The following FAM168A variants were observed in gnomAD, a reference collection of about 807,000 sequenced individuals.
The protein encoded by FAM168A is protein FAM168A.
Under a neutral mutation model 28.5 loss-of-function variants are expected in FAM168A, and 3 were observed. The observed-to-expected ratio is 0.11, with a 90% CI of 0.05 to 0.27. The LOEUF is 0.27. Ranked by LOEUF, FAM168A falls within the 10% of genes least tolerant of loss-of-function variation. The probability of loss-of-function intolerance (pLI) is 1.00; values close to 1 mark genes in which losing one functional copy is unlikely to be tolerated. For missense variants in FAM168A, 222 were observed against 311.5 expected, an observed-to-expected ratio of 0.71 and a Z score of 2.16; for synonymous variants, 122 against 124.2, an observed-to-expected ratio of 0.98 and a Z score of 0.12.
intron 1 of FAM168A, among the ~76,000 whole-genome samples, chr11:73,590,655 T>A (rs561771190): frequency 3.9e-5 from 6 of 152,360 alleles, no homozygotes; most frequent in African/African-American, 1.4e-4. Flanking sequence ...TTTTTCTACA[T>A]GTTATACATA....
At chr11:73,425,023 A>G in intron 3 of FAM168A, 2 of 1,528,672 alleles carry the variant, frequency 1.3e-6, no homozygotes, top group Non-Finnish European at 1.7e-6. Flanking sequence ...CTTTCCTACC[A>G]TAAGCTGAAT....
At chr11:73,525,839 C>T (rs1033836153) in intron 1 of FAM168A, among the ~76,000 whole-genome samples, 4 of 152,180 alleles carry the variant, frequency 2.6e-5, no homozygotes, top group Admixed American at 6.5e-5. Context: ...AGTTCTGTTC[C>T]ATTTCAATGT....
At chr11:73,585,328 C>T (rs1022747192) in intron 1 of FAM168A, among the ~76,000 whole-genome samples, 2 of 152,190 alleles carry the variant, frequency 1.3e-5, no homozygotes, top group Admixed American at 1.3e-4. Context: ...TCAATCCTCA[C>T]AACTACATAG....
At chr11:73,517,709 G>A (rs1191811938) in intron 1 of FAM168A, among the ~76,000 whole-genome samples, 3 of 152,040 alleles carry the variant, frequency 2.0e-5, no homozygotes, top group Admixed American at 6.5e-5. Flanking sequence ...TATACTATAC[G>A]ACCTTGGCTC....
intron 2 of FAM168A, among the ~76,000 whole-genome samples, chr11:73,433,076 C>CT (rs34994742): frequency 0.049 from 3,971 of 80,612 alleles, 687 homozygotes; most frequent in Non-Finnish European, 0.059. Context: ...CACGCCCCGC[C>CT]TTTTTTTTTT....
At chr11:73,408,957 T>G (rs974985180) in intron 6 of FAM168A, among the ~76,000 whole-genome samples, 1 of 151,986 alleles carries the variant, frequency 6.6e-6, no homozygotes, top group Non-Finnish European at 1.5e-5. Context: ...CTCTCTCCCC[T>G]AAAGTACACT....
At chr11:73,578,969 G>T (rs1944210422) in intron 1 of FAM168A, among the ~76,000 whole-genome samples, 2 of 152,200 alleles carry the variant, frequency 1.3e-5, no homozygotes, top group Admixed American at 1.3e-4. Context: ...AGGTCTGGAG[G>T]CTGGGAAGTC....
intron 1 of FAM168A, among the ~76,000 whole-genome samples, chr11:73,553,015 T>C (rs529352364): frequency 5.9e-5 from 9 of 152,284 alleles, no homozygotes; most frequent in Non-Finnish European, 1.2e-4. Flanking sequence ...ATTTAATTTA[T>C]CATACAATTT....
intron 2 of FAM168A, 74 bp downstream of exon 2, chr11:73,468,331 G>A: frequency 7.1e-7 from 1 of 1,408,534 alleles, no homozygotes; most frequent in Admixed American, 1.7e-5. Flanking sequence ...TATACGTTAG[G>A]AGGAGGAGCA....
At chr11:73,448,709 C>G (rs565660366) in intron 2 of FAM168A, among the ~76,000 whole-genome samples, 3 of 152,274 alleles carry the variant, frequency 2.0e-5, no homozygotes, top group Admixed American at 1.3e-4. Flanking sequence ...ACAGACATTA[C>G]TCGTGTTCCT....
At chr11:73,452,537 G>A (rs1433980122) in intron 2 of FAM168A, among the ~76,000 whole-genome samples, 1 of 152,186 alleles carries the variant, frequency 6.6e-6, no homozygotes, top group Non-Finnish European at 1.5e-5. Flanking sequence ...AGAGTCTGGG[G>A]TGAGGGGGTG....
intron 1 of FAM168A, among the ~76,000 whole-genome samples, chr11:73,468,820 C>A (rs953406512): frequency 2.0e-5 from 3 of 152,206 alleles, no homozygotes; most frequent in African/African-American, 7.2e-5. Flanking sequence ...ATGTCACTTC[C>A]CCTGTCTGGA....
At chr11:73,514,828 G>GCCATCCATCCAT (rs140788338) in intron 1 of FAM168A, among the ~76,000 whole-genome samples, 39 of 146,546 alleles carry the variant, frequency 2.7e-4, no homozygotes, top group East Asian at 1.0e-3. Context: ...GTGAGACTCT[G>GCCATCCATCCAT]CCATCCATCC....
chr11:73,596,920 G>C (rs1944444771), intron 1 of FAM168A, among the ~76,000 whole-genome samples: 1 of 152,016 alleles, frequency 6.6e-6, no homozygotes, highest in African/African-American at 2.4e-5. Context: ...CCTTGGCCAA[G>C]GGATATTTTC....
intron 3 of FAM168A, among the ~76,000 whole-genome samples, chr11:73,427,973 AC>A (rs1324052755): frequency 2.0e-5 from 3 of 152,052 alleles, no homozygotes; most frequent in Non-Finnish European, 4.4e-5. Flanking sequence ...CTGGTTAAGA[AC>A]CCTCCTTGAT....
chr11:73,552,564 T>G (rs1224207023), intron 1 of FAM168A, among the ~76,000 whole-genome samples: 1 of 152,252 alleles, frequency 6.6e-6, no homozygotes, highest in East Asian at 1.9e-4. Context: ...CATAGTGAAC[T>G]ACAGTTTCTT....
intron 1 of FAM168A, among the ~76,000 whole-genome samples, chr11:73,543,826 G>A (rs189350465): frequency 6.6e-6 from 1 of 152,220 alleles, no homozygotes; most frequent in East Asian, 1.9e-4. Context: ...ATATCACCAA[G>A]CTAGGTAGTA....
chr11:73,452,881 C>T (rs754797953), intron 2 of FAM168A, among the ~76,000 whole-genome samples: 2 of 151,056 alleles, frequency 1.3e-5, no homozygotes, highest in African/African-American at 4.9e-5. Context: ...GGTTACTCAA[C>T]ACTATGCTGC....
intron 2 of FAM168A, among the ~76,000 whole-genome samples, chr11:73,444,105 A>G (rs944235491): frequency 3.3e-5 from 5 of 152,214 alleles, no homozygotes; most frequent in East Asian, 3.8e-4. Flanking sequence ...ACCAGACATA[A>G]TATCATAGAA....
Sources: gnomAD v4.1 joint callset for allele counts (sites outside exome capture counted in the v4.1 genomes callset) on GRCh38, gnomAD v4.1.1 for gene constraint, MANE v1.5 for transcripts, NCBI Gene and HGNC (gene_info 2026-07-23, HGNC 2026-07-21) for gene names.